The following STX8 variants were observed in gnomAD, a reference collection of about 807,000 sequenced individuals.
STX8 encodes syntaxin-8.
STX8 carries 23 observed loss-of-function variants against 37.5 expected under a neutral mutation model. That is an observed-to-expected ratio of 0.61 (90% CI 0.44 to 0.87). STX8 has a LOEUF of 0.87. Ranked by LOEUF, STX8 falls within the 40% of genes least tolerant of loss-of-function variation. STX8 has a pLI of 0.00. For synonymous variants in STX8, 115 were observed against 99.1 expected (o/e 1.16, Z -0.95); for missense variants, 313 against 284.7 (o/e 1.10, Z -0.71).
intron 2 of STX8, among the ~76,000 whole-genome samples, chr17:9,559,760 A>ATATATATATATATATATTTTTT: frequency 8.2e-5 from 2 of 24,496 alleles, no homozygotes; most frequent in African/African-American, 1.9e-4. Context: ...ATATATATAT[A>ATATATATATATATATATTTTTT]TTTTTTTTTT....
intron 6 of STX8, among the ~76,000 whole-genome samples, chr17:9,403,647 T>A (rs746443460): frequency 2.6e-5 from 4 of 152,132 alleles, no homozygotes; most frequent in African/African-American, 4.8e-5. Context: ...TCACTTTTTT[T>A]TTTTTATTTT....
intron 7 of STX8, chr17:9,283,358 T>A (rs1907958684): frequency 6.6e-6 from 1 of 152,074 alleles, no homozygotes; most frequent in East Asian, 1.9e-4. Flanking sequence ...CTGGTCAACA[T>A]GGTGAAACCC....
intron 6 of STX8, among the ~76,000 whole-genome samples, chr17:9,383,566 C>A (rs1245144596): frequency 6.6e-6 from 1 of 152,132 alleles, no homozygotes; most frequent in Non-Finnish European, 1.5e-5. Flanking sequence ...AGATCAGGAA[C>A]AAGGCTATGA....
chr17:9,562,342 C>T (rs1567611078), intron 2 of STX8, among the ~76,000 whole-genome samples: 2 of 151,240 alleles, frequency 1.3e-5, no homozygotes, highest in Non-Finnish European at 1.5e-5. Context: ...GGAGGCGGAG[C>T]TTGAAGTGAG....
At chr17:9,436,107 G>C (rs967681723) in intron 6 of STX8, among the ~76,000 whole-genome samples, 8 of 152,166 alleles carry the variant, frequency 5.3e-5, no homozygotes, top group Admixed American at 2.6e-4. Flanking sequence ...CCTTGGCTGG[G>C]CGCCGTGGCT....
chr17:9,315,720 A>G (rs1348447954), intron 7 of STX8, among the ~76,000 whole-genome samples: 2 of 152,152 alleles, frequency 1.3e-5, no homozygotes, highest in African/African-American at 2.4e-5. Flanking sequence ...CCGGCCTACA[A>G]AAATAAAGCT....
Position 9,536,738 on chromosome 17 carries a change from CTTA to C in STX8, c.323+8431_323+8433del, listed in dbSNP as rs1162342641. On this transcript the variant is annotated intron_variant, in intron 4 of 7. Coordinates refer to ENST00000306357, the MANE Select transcript of STX8 (RefSeq NM_004853.3). ...AAACTCTGAACTCTGCAAGAATGGG[CTTA>C]TTATTATTTTTTTTTTTTTGAGATG... is the stretch of plus-strand genomic sequence containing the variant. 3.5e-5 allele frequency among the ~76,000 whole-genome samples: 5 copies of C among 144,134 alleles called. No homozygotes were observed. The East Asian group carries it at 9.8e-4, about 28-fold the overall frequency. 94.6% of individuals were successfully genotyped at this position (144,134 alleles called of 152,430 possible).
At chr17:9,327,692 C>T (rs929891141) in intron 7 of STX8, among the ~76,000 whole-genome samples, 7 of 152,062 alleles carry the variant, frequency 4.6e-5, no homozygotes, top group African/African-American at 1.7e-4. Context: ...CTTTCTGTTT[C>T]TGAGATGAAG....
chr17:9,420,388 T>G (rs1913379474), intron 6 of STX8, among the ~76,000 whole-genome samples: 3 of 152,310 alleles, frequency 2.0e-5, no homozygotes, highest in Non-Finnish European at 2.9e-5. Flanking sequence ...GTTAGCTCTC[T>G]TCCTTCGACC....
intron 7 of STX8, among the ~76,000 whole-genome samples, chr17:9,269,306 T>G (rs943820650): frequency 6.6e-6 from 1 of 152,124 alleles, no homozygotes; most frequent in African/African-American, 2.4e-5. Flanking sequence ...GGGGTACACG[T>G]CCTTCTCCTC....
chr17:9,550,425 A>C (rs779988508), intron 3 of STX8, among the ~76,000 whole-genome samples: 7 of 150,876 alleles, frequency 4.6e-5, no homozygotes, highest in Non-Finnish European at 8.9e-5. Context: ...TGGATATGTA[A>C]GGTTGTAAAT....
intron 7 of STX8, among the ~76,000 whole-genome samples, chr17:9,280,879 C>T (rs184728667): frequency 2.6e-5 from 4 of 152,118 alleles, no homozygotes; most frequent in African/African-American, 9.7e-5. Flanking sequence ...CACAATCTGT[C>T]GTAAGGAAAT....
chr17:9,383,670 A>T (rs886422283), intron 6 of STX8, among the ~76,000 whole-genome samples: 3 of 152,204 alleles, frequency 2.0e-5, no homozygotes, highest in African/African-American at 7.2e-5. Context: ...TATGAAAGGG[A>T]GCTGTAAAGG....
intron 7 of STX8, among the ~76,000 whole-genome samples, chr17:9,265,188 A>T (rs1044462850): frequency 6.6e-6 from 1 of 152,032 alleles, no homozygotes; most frequent in Admixed American, 6.6e-5. Flanking sequence ...TCACGGTCAC[A>T]TATCCTATTA....
At chr17:9,516,545 T>A (rs776939412) in intron 4 of STX8, among the ~76,000 whole-genome samples, 2 of 151,636 alleles carry the variant, frequency 1.3e-5, no homozygotes, top group African/African-American at 4.8e-5. Flanking sequence ...CCCAAACCTA[T>A]GAGGAAATCC....
chr17:9,338,527 C>T (rs1424281977), intron 7 of STX8, among the ~76,000 whole-genome samples: 1 of 152,142 alleles, frequency 6.6e-6, no homozygotes, highest in East Asian at 1.9e-4. Context: ...TGGAACTGAT[C>T]TGTTTCTCAA....
chr17:9,483,130 T>C (rs1906417796), intron 6 of STX8, among the ~76,000 whole-genome samples: 1 of 152,088 alleles, frequency 6.6e-6, no homozygotes, highest in Admixed American at 6.5e-5. Context: ...TTACTCCCTT[T>C]AGTTCTAGAG....
At chr17:9,494,955 C>T (rs1315009397) in intron 5 of STX8, among the ~76,000 whole-genome samples, 2 of 152,102 alleles carry the variant, frequency 1.3e-5, no homozygotes, top group East Asian at 3.9e-4. Context: ...CCCCTCGCAG[C>T]TTCATTTGTC....
chr17:9,250,514 A>T lies in STX8; in HGVS notation c.*64T>A, dbSNP rs1423481707. 1 of 1,440,272 alleles carries T rather than the reference A, an allele frequency of 6.9e-7. No individual in the cohort carries two copies. Among genetic ancestry groups the T allele is most frequent in the Non-Finnish European group, 9.6e-7 (1 of 1,044,376 alleles). 89.2% of individuals were successfully genotyped at this position (1,440,272 alleles called of 1,614,324 possible). On this transcript the variant is annotated 3_prime_UTR_variant, in exon 8 of 8. Transcript: ENST00000306357. ...TTATTGAGAGCAGGTTTTGCGTACC[A>T]AAAGGGTGTTGGGCTTGCATCTGTC... is the stretch of plus-strand genomic sequence containing the variant.
Sources: allele counts gnomAD v4.1 joint callset (sites outside exome capture counted in the v4.1 genomes callset), GRCh38; gene constraint gnomAD v4.1.1; transcripts MANE v1.5; gene names NCBI Gene and HGNC (gene_info 2026-07-23, HGNC 2026-07-21).